The following OSBPL3 variants were observed in gnomAD, a reference collection of about 807,000 sequenced individuals.
OSBPL3 encodes the protein oxysterol binding protein like 3.
In OSBPL3, 65 loss-of-function variants were observed where a neutral mutation model predicts 120.1. The observed-to-expected ratio is 0.54, with a 90% confidence interval of 0.44 to 0.67. The LOEUF is 0.67. OSBPL3 is among the 30% of genes least tolerant of loss of function. The pLI, the probability that OSBPL3 is intolerant of heterozygous loss-of-function variation, is 0.00. For synonymous variants in OSBPL3, 416 were observed against 402.6 expected (o/e 1.03, Z -0.40); for missense variants, 1,004 against 1,082.1 (o/e 0.93, Z 1.01).
chr7:24,927,996 C>T (rs1811277596), intron 1 of OSBPL3, among the ~76,000 whole-genome samples: 1 of 152,050 alleles, frequency 6.6e-6, no homozygotes, highest in Non-Finnish European at 1.5e-5. Flanking sequence ...GTGCTGTTCT[C>T]ATGATAGTGA....
Position 24,979,744 on chromosome 7 carries a change from C to T in OSBPL3, c.-150+142G>A, listed in dbSNP as rs958387715. The T allele has an allele frequency of 4.4e-5, 15 of 339,112 alleles. No individual in the cohort carries two copies. In the Admixed American group the frequency reaches 8.6e-4, roughly 19 times the overall value. 21.0% of individuals were successfully genotyped at this position (339,112 alleles called of 1,614,324 possible). A position where few individuals can be genotyped will look rare whatever the true frequency, so the allele number is the denominator to read the frequency against. On this transcript the variant is annotated intron_variant, in intron 1 of 22. Transcript: ENST00000313367. ...CCCAGGCTTGGGTCTGCCCCAGGGCCGGAGCCTCCCCGGGCGACTCGGACA... is the reference window on the plus strand; with the variant it reads ...CCCAGGCTTGGGTCTGCCCCAGGGCTGGAGCCTCCCCGGGCGACTCGGACA...
rs565045003 is a variant in OSBPL3, at chr7:24,898,406, C to A, written c.-149-5785G>T. Among the ~76,000 whole-genome samples the A allele has an allele frequency of 2.0e-5, 3 of 152,314 alleles. No homozygotes were observed. The highest frequency in any genetic ancestry group is 6.5e-5 in the Admixed American group (1 of 15,306). On this transcript the variant is annotated intron_variant, in intron 1 of 22. Coordinates refer to ENST00000313367, the MANE Select transcript of OSBPL3 (RefSeq NM_015550.4). This position sits in a 1 kb window ranked among gnomAD's most constrained non-coding sequence, Gnocchi z 4.3. ...ACTAAGGCTCAGTGTCCACAGAAGT[C>A]CCTTCTTTAAAGTCTAACAATTCCT...
At position 24,894,137 on chromosome 7, in the gene OSBPL3, A is replaced by C. The variant is rs1316689075; in HGVS notation, c.-149-1516T>G. 6.6e-6 allele frequency among the ~76,000 whole-genome samples: 1 copy of C among 151,954 alleles called. No individual in the cohort carries two copies. The highest frequency in any genetic ancestry group is 1.5e-5 in the Non-Finnish European group (1 of 68,034). Reference sequence around the variant, plus strand: ...ATCATATACTCTTTCCTACACCTTCATTAACACTTAGTTCTTCAAAAATAA... The same window carrying C: ...ATCATATACTCTTTCCTACACCTTCCTTAACACTTAGTTCTTCAAAAATAA... On this transcript the variant is annotated intron_variant, in intron 1 of 22. Coordinates refer to ENST00000313367, the MANE Select transcript of OSBPL3 (RefSeq NM_015550.4). The surrounding 1 kb of genome is among the most constrained non-coding windows in gnomAD (Gnocchi z 4.1).
At chr7:24,878,402 C>T (rs1803147126) in intron 2 of OSBPL3, among the ~76,000 whole-genome samples, 1 of 152,204 alleles carries the variant, frequency 6.6e-6, no homozygotes, top group African/African-American at 2.4e-5. Flanking sequence ...TTAAAAATCA[C>T]AAGGCAATAC....
At chr7:24,846,943 G>GC (rs1429702235) in intron 12 of OSBPL3, among the ~76,000 whole-genome samples, 6 of 151,766 alleles carry the variant, frequency 4.0e-5, no homozygotes, top group Admixed American at 3.3e-4. Flanking sequence ...GGCGCCTGTA[G>GC]CCCCAGCTGC....
rs1345801543 is a variant in OSBPL3 at position 24,815,603 on chromosome 7, C to T, written c.2028-400G>A. ...TATACAATCTGCTAAACATACATTG[C>T]CTGCATCCTTTGTGATGAGAAAGTA... is the stretch of plus-strand genomic sequence containing the variant. On this transcript the variant is annotated intron_variant, in intron 18 of 22. Coordinates refer to ENST00000313367, the MANE Select transcript of OSBPL3 (RefSeq NM_015550.4). The surrounding 1 kb of genome is among the most constrained non-coding windows in gnomAD (Gnocchi z 5.1). Among the ~76,000 whole-genome samples, 1 of 152,156 alleles carries T rather than the reference C, an allele frequency of 6.6e-6. No homozygotes were observed. The highest frequency in any genetic ancestry group is 1.5e-5 in the Non-Finnish European group (1 of 68,020).
rs775530291 is a variant in OSBPL3, at chr7:24,849,080, T to G, written c.1255A>C (p.Asn419His). 6 of 1,613,054 alleles carry G rather than the reference T, an allele frequency of 3.7e-6. No homozygotes were observed. ...AGAAACCTACCCACCTCTGCCAGAT[T>G]GTCACCCGACTTGGCGACAGCGGGG... ...DSPAVAKSGD[N>H]LAEENSRDEN... The change falls in exon 12 of 23, where the codon AAT becomes CAT. Residue 419 changes from asparagine (N) to histidine (H), a missense_variant. Around this residue, in one of 4 missense-constraint regions of OSBPL3, gnomAD observed 272 missense variants for 248.8 expected, o/e 1.09. Coordinates refer to ENST00000313367, the MANE Select transcript of OSBPL3 (RefSeq NM_015550.4). This position sits in a 1 kb window ranked among gnomAD's most constrained non-coding sequence, Gnocchi z 5.4.
At position 24,894,952 on chromosome 7, in the gene OSBPL3, C is replaced by T. The variant is rs1805914583; in HGVS notation, c.-149-2331G>A. On this transcript the variant is annotated intron_variant, in intron 1 of 22. Transcript: ENST00000313367. The surrounding 1 kb of genome is among the most constrained non-coding windows in gnomAD (Gnocchi z 4.1). Reference sequence around the variant, plus strand: ...TGGCACTTAGAGCCAAGGGCTCTGCCAGCATGACCCCCTGGTGACCCCTAC... The same window carrying T: ...TGGCACTTAGAGCCAAGGGCTCTGCTAGCATGACCCCCTGGTGACCCCTAC... Among the ~76,000 whole-genome samples, 2 of 152,150 alleles carry T rather than the reference C, an allele frequency of 1.3e-5. No homozygotes were observed. The highest frequency in any genetic ancestry group is 2.1e-4 in the South Asian group (1 of 4,824).
At chr7:24,875,913 A>T (rs1249420684) in intron 2 of OSBPL3, among the ~76,000 whole-genome samples, 1 of 152,168 alleles carries the variant, frequency 6.6e-6, no homozygotes, top group African/African-American at 2.4e-5. Context: ...CTTGGTACAA[A>T]TTCTGTGTGC....
chr7:24,956,364 G>C (rs921330945), intron 1 of OSBPL3, among the ~76,000 whole-genome samples: 1 of 152,234 alleles, frequency 6.6e-6, no homozygotes, highest in African/African-American at 2.4e-5. Context: ...TTCATTAGGG[G>C]ATAAGGGTAC....
chr7:24,909,767 T>TA (rs1808507119), intron 1 of OSBPL3, among the ~76,000 whole-genome samples: 1 of 98,268 alleles, frequency 1.0e-5, no homozygotes, highest in African/African-American at 3.7e-5. Flanking sequence ...GGAAAGCTAC[T>TA]GTTTTTTTTT....
At chr7:24,826,511 T>C (rs1317404599) in intron 16 of OSBPL3, among the ~76,000 whole-genome samples, 1 of 152,040 alleles carries the variant, frequency 6.6e-6, no homozygotes, top group Non-Finnish European at 1.5e-5. Context: ...GCATAGTCAC[T>C]GAGTCCACAC....
chr7:24,917,352 T>C (rs1809715001), intron 1 of OSBPL3, among the ~76,000 whole-genome samples: 1 of 142,830 alleles, frequency 7.0e-6, no homozygotes, highest in Non-Finnish European at 1.5e-5. Context: ...AACCCAAATA[T>C]TGATATCCTG....
At chr7:24,971,033 C>T (rs150) in intron 1 of OSBPL3, among the ~76,000 whole-genome samples, 129,000 of 152,288 alleles carry the variant, frequency 0.85, 55,092 homozygotes, top group African/African-American at 0.95. Flanking sequence ...TGGGTGTCAC[C>T]TAGTTATGTA....
At chr7:24,971,658 T>C (rs369008492) in intron 1 of OSBPL3, among the ~76,000 whole-genome samples, 1 of 152,198 alleles carries the variant, frequency 6.6e-6, no homozygotes, top group Non-Finnish European at 1.5e-5. Context: ...TAAAGGGATG[T>C]TGGAAAAACC....
intron 1 of OSBPL3, among the ~76,000 whole-genome samples, chr7:24,923,839 A>T (rs907512133): frequency 6.6e-6 from 1 of 152,200 alleles, no homozygotes; most frequent in Non-Finnish European, 1.5e-5. Context: ...GCTGCCTGCC[A>T]GGGGCTCTGA....
intron 19 of OSBPL3, among the ~76,000 whole-genome samples, chr7:24,810,625 G>T (rs1793679007): frequency 6.6e-6 from 1 of 152,202 alleles, no homozygotes. Flanking sequence ...TTGTACGATA[G>T]ATTTCTTGAA....
rs918798764 is a variant in OSBPL3, at chr7:24,831,392, G to A, written c.1747-487C>T. On this transcript the variant is annotated intron_variant, in intron 15 of 22. Coordinates refer to ENST00000313367, the MANE Select transcript of OSBPL3 (RefSeq NM_015550.4). The surrounding 1 kb of genome is among the most constrained non-coding windows in gnomAD (Gnocchi z 4.0). ...TTATAGAAACCAAAACATTCATTTT[G>A]ACCAAAGAAAATCTGTGAGTCATTT... Among the ~76,000 whole-genome samples, 1 of 152,046 alleles carries A rather than the reference G, an allele frequency of 6.6e-6. No individual in the cohort carries two copies. Among genetic ancestry groups the A allele is most frequent in the African/African-American group, 2.4e-5 (1 of 41,398 alleles).
rs1802200200 is a variant in OSBPL3, at chr7:24,872,081, A to G, written c.97-12T>C. ...ACTTCCCAGCTGTCCTGTTCCAACAAAAGAGTTCATGTTAAATGTCTATCT... is the reference window on the plus strand; with the variant it reads ...ACTTCCCAGCTGTCCTGTTCCAACAGAAGAGTTCATGTTAAATGTCTATCT... On this transcript the variant is annotated splice_polypyrimidine_tract_variant and intron_variant, in intron 2 of 22. Coordinates refer to ENST00000313367, the MANE Select transcript of OSBPL3 (RefSeq NM_015550.4). The surrounding 1 kb of genome is among the most constrained non-coding windows in gnomAD (Gnocchi z 4.1). The G allele has an allele frequency of 1.3e-6, 2 of 1,528,960 alleles. No homozygotes were observed. Among genetic ancestry groups the G allele is most frequent in the East Asian group, 4.5e-5 (2 of 44,530 alleles). The allele number at this position is 1,528,960 out of a possible 1,614,324, so 94.7% of individuals were successfully genotyped here.
Sources: allele counts gnomAD v4.1 joint callset (sites outside exome capture counted in the v4.1 genomes callset), GRCh38; gene constraint gnomAD v4.1.1; regional missense constraint gnomAD v4.1.1; non-coding constraint Gnocchi (gnomAD v3.1); transcripts MANE v1.5; gene names NCBI Gene and HGNC (gene_info 2026-07-23, HGNC 2026-07-21).